Variants in PITPNB observed in about 807,000 individuals in gnomAD.
PITPNB encodes the protein phosphatidylinositol transfer protein beta.
In PITPNB, 16 loss-of-function variants were observed where a neutral mutation model predicts 45.9. The observed-to-expected ratio is 0.35, with a 90% CI of 0.24 to 0.53. The LOEUF (loss-of-function observed/expected upper bound fraction) is 0.53. Ranked by LOEUF, PITPNB falls within the 20% of genes least tolerant of loss-of-function variation. The pLI is 0.93. For missense variants in PITPNB, 188 were observed against 330.5 expected, an observed-to-expected ratio of 0.57 and a Z score of 3.34; for synonymous variants, 112 against 108.9, an observed-to-expected ratio of 1.03 and a Z score of -0.18.
At chr22:27,878,374 A>AT (rs1934878539) in intron 7 of PITPNB, among the ~76,000 whole-genome samples, 1 of 152,256 alleles carries the variant, frequency 6.6e-6, no homozygotes, top group Non-Finnish European at 1.5e-5. Flanking sequence ...AAGTAAGCCC[A>AT]TTAAAAAAAA....
At chr22:27,868,244 A>AG in intron 8 of PITPNB, among the ~76,000 whole-genome samples, 1 of 152,256 alleles carries the variant, frequency 6.6e-6, no homozygotes, top group Admixed American at 6.5e-5. Flanking sequence ...CAAGTAAAAA[A>AG]CACTGCTCAT....
intron 7 of PITPNB, among the ~76,000 whole-genome samples, chr22:27,877,920 T>A (rs191252427): frequency 6.6e-6 from 1 of 152,306 alleles, no homozygotes; most frequent in East Asian, 1.9e-4. Flanking sequence ...CATTAGCAAC[T>A]CCTTGGCACC....
chr22:27,909,807 G>A (rs755253115), intron 3 of PITPNB, among the ~76,000 whole-genome samples: 51 of 152,012 alleles, frequency 3.4e-4, no homozygotes, highest in African/African-American at 6.8e-4. Flanking sequence ...TTGAGACAGC[G>A]TCCATCTTGT....
chr22:27,891,118 T>C (rs1325161489), intron 7 of PITPNB, among the ~76,000 whole-genome samples: 1 of 152,176 alleles, frequency 6.6e-6, no homozygotes, highest in Non-Finnish European at 1.5e-5. Context: ...GGGTGTCCTC[T>C]TGGGGTGATG....
At chr22:27,911,363 C>T (rs1569036031) in intron 2 of PITPNB, among the ~76,000 whole-genome samples, 1 of 152,168 alleles carries the variant, frequency 6.6e-6, no homozygotes, top group East Asian at 1.9e-4. Flanking sequence ...GTTACAAATA[C>T]TCTGGTGCCT....
chr22:27,863,166 T>A (rs1286885317), intron 8 of PITPNB, among the ~76,000 whole-genome samples: 2 of 152,188 alleles, frequency 1.3e-5, no homozygotes, highest in East Asian at 3.9e-4. Flanking sequence ...TGCCAAACAG[T>A]AGCACTAGAC....
intron 7 of PITPNB, among the ~76,000 whole-genome samples, chr22:27,878,714 T>C (rs1934887402): frequency 6.6e-6 from 1 of 152,252 alleles, no homozygotes; most frequent in Admixed American, 6.5e-5. Flanking sequence ...TCAGGAGGGC[T>C]GTTTAAACAG....
At chr22:27,859,151 TAAA>T (rs1239741647) in intron 9 of PITPNB, among the ~76,000 whole-genome samples, 9 of 152,184 alleles carry the variant, frequency 5.9e-5, no homozygotes, top group African/African-American at 1.9e-4. Flanking sequence ...ATATTCAACT[TAAA>T]AATCTTCTTC....
intron 10 of PITPNB, among the ~76,000 whole-genome samples, chr22:27,855,902 G>C (rs1377036123): frequency 2.0e-5 from 3 of 152,216 alleles, no homozygotes; most frequent in Non-Finnish European, 4.4e-5. Flanking sequence ...TTCTGCGTGT[G>C]AAGAGGACTC....
chr22:27,915,127 C>T (rs1000652485), intron 1 of PITPNB, among the ~76,000 whole-genome samples: 9 of 152,132 alleles, frequency 5.9e-5, no homozygotes, highest in African/African-American at 2.2e-4. Context: ...TTTATTTCCA[C>T]CATAAATCCT....
At chr22:27,886,508 A>G (rs1452061248) in intron 7 of PITPNB, among the ~76,000 whole-genome samples, 1 of 152,174 alleles carries the variant, frequency 6.6e-6, no homozygotes, top group Non-Finnish European at 1.5e-5. Context: ...CAAAGCATCC[A>G]CTCAAGTATT....
intron 1 of PITPNB, among the ~76,000 whole-genome samples, chr22:27,914,869 A>G (rs1308562277): frequency 3.9e-5 from 6 of 152,178 alleles, no homozygotes. Flanking sequence ...AGTCGTGTAG[A>G]ATTAGTAAGA....
At chr22:27,871,060 GA>G (rs1254224278) in intron 8 of PITPNB, among the ~76,000 whole-genome samples, 1 of 152,018 alleles carries the variant, frequency 6.6e-6, no homozygotes, top group Non-Finnish European at 1.5e-5. Context: ...GGGGAAAATG[GA>G]AAAAAACTGC....
In PITPNB at chr22:27,863,183, T is replaced by C. The variant is rs541326160; in HGVS notation, c.535-2942A>G. On this transcript the variant is annotated intron_variant, in intron 8 of 11. Transcript: ENST00000335272. ...CCAAACAGTAGCACTAGACTAGGAG[T>C]GCTACTTTGTTAAACTTCCTGTTTA... 2.0e-5 allele frequency among the ~76,000 whole-genome samples: 3 copies of C among 152,074 alleles called. No homozygotes were observed. The South Asian group carries it at 6.2e-4, about 32-fold the overall frequency.
At chr22:27,911,405 G>T (rs1193110863) in intron 2 of PITPNB, among the ~76,000 whole-genome samples, 1 of 152,108 alleles carries the variant, frequency 6.6e-6, no homozygotes, top group African/African-American at 2.4e-5. Context: ...AAAATGTCTC[G>T]AAACTTGGTT....
At chr22:27,895,281 G>A (rs570188499) in intron 6 of PITPNB, among the ~76,000 whole-genome samples, 1 of 152,230 alleles carries the variant, frequency 6.6e-6, no homozygotes, top group South Asian at 2.1e-4. Flanking sequence ...ATAAATTATA[G>A]AGGATTACTA....
chr22:27,856,236 T>G (rs1934168075), intron 10 of PITPNB, among the ~76,000 whole-genome samples: 1 of 152,222 alleles, frequency 6.6e-6, no homozygotes, highest in South Asian at 2.1e-4. Context: ...AGGGGGTTAA[T>G]CAGTTTCAGC....
rs747237470 is a variant in PITPNB at position 27,873,723 on chromosome 22, G to A, written c.534+15C>T. ...TGCCAAGACTCTGCCTGTCAGAAAGGTCAGCATCCAGTACCTTCCAGTTGG... is the reference window on the plus strand; with the variant it reads ...TGCCAAGACTCTGCCTGTCAGAAAGATCAGCATCCAGTACCTTCCAGTTGG... On this transcript the variant is annotated intron_variant, in intron 8 of 11. Transcript: ENST00000335272. 13 of 1,539,776 alleles carry A rather than the reference G, an allele frequency of 8.4e-6. 1 individual carries two copies. In the South Asian group the frequency reaches 1.5e-4, roughly 17 times the overall value.
intron 8 of PITPNB, among the ~76,000 whole-genome samples, chr22:27,866,021 A>C (rs1176224456): frequency 1.3e-5 from 2 of 152,236 alleles, no homozygotes; most frequent in African/African-American, 4.8e-5. Flanking sequence ...CTCTTTGCTA[A>C]TCTGCGAGTA....
Sources: allele counts gnomAD v4.1 joint callset (sites outside exome capture counted in the v4.1 genomes callset), GRCh38; gene constraint gnomAD v4.1.1; transcripts MANE v1.5; gene names NCBI Gene and HGNC (gene_info 2026-07-23, HGNC 2026-07-21).